Variants in VPS13B observed in about 807,000 individuals in gnomAD.
The protein encoded by VPS13B is vacuolar protein sorting 13 homolog B.
A neutral mutation model predicts 426.4 loss-of-function variants in VPS13B; 285 were observed. The ratio of observed to expected loss-of-function variants is 0.67; its 90% confidence interval spans 0.61 to 0.74. VPS13B has a LOEUF of 0.74. VPS13B is among the 30% of genes least tolerant of loss of function. VPS13B has a pLI of 0.00. For missense variants in VPS13B, 4,537 were observed against 4,782.6 expected (o/e 0.95, Z 1.51); for synonymous variants, 1,676 against 1,676.4 (o/e 1.00, Z 0.01).
chr8:99,455,421 G>C (rs1317146199), intron 23 of VPS13B, among the ~76,000 whole-genome samples: 1 of 152,128 alleles, frequency 6.6e-6, no homozygotes, highest in Non-Finnish European at 1.5e-5. Context: ...AGAAGACAAA[G>C]GGAGAGCCAG....
At chr8:99,461,260 AG>A (rs999849089) in intron 23 of VPS13B, among the ~76,000 whole-genome samples, 7 of 152,108 alleles carry the variant, frequency 4.6e-5, no homozygotes, top group African/African-American at 1.7e-4. Flanking sequence ...TGACCTATGC[AG>A]AAAGAATTAC....
intron 24 of VPS13B, among the ~76,000 whole-genome samples, chr8:99,476,077 A>C (rs1033050351): frequency 1.3e-5 from 2 of 152,214 alleles, no homozygotes; most frequent in Non-Finnish European, 2.9e-5. Flanking sequence ...GTAAACACTG[A>C]AATGTTATAT....
At chr8:99,855,477 A>G (rs1414751253) in intron 56 of VPS13B, among the ~76,000 whole-genome samples, 1 of 152,152 alleles carries the variant, frequency 6.6e-6, no homozygotes, top group East Asian at 1.9e-4. Flanking sequence ...TTCACTCTAA[A>G]GCAGTTTTAA....
intron 35 of VPS13B, among the ~76,000 whole-genome samples, chr8:99,674,258 T>C (rs1830832086): frequency 6.6e-6 from 1 of 152,028 alleles, no homozygotes; most frequent in African/African-American, 2.4e-5. Flanking sequence ...CTTTATATAT[T>C]TAGATGCTGC....
chr8:99,242,089 G>T (rs141187224), intron 17 of VPS13B, among the ~76,000 whole-genome samples: 3,069 of 151,784 alleles, frequency 0.02, 113 homozygotes, highest in African/African-American at 0.07. Flanking sequence ...CACGCTATTC[G>T]CCTGCCTCAG....
At chr8:99,519,888 C>T (rs1259978233) in intron 29 of VPS13B, among the ~76,000 whole-genome samples, 1 of 152,070 alleles carries the variant, frequency 6.6e-6, no homozygotes, top group Non-Finnish European at 1.5e-5. Context: ...CAACATGGCA[C>T]ATGTATACAT....
chr8:99,840,750 G>A (rs1257808636), intron 54 of VPS13B, among the ~76,000 whole-genome samples: 2 of 152,180 alleles, frequency 1.3e-5, no homozygotes, highest in African/African-American at 4.8e-5. Flanking sequence ...TCCATTTGGT[G>A]CAGATCACAC....
At chr8:99,229,764 A>G (rs1194750419) in intron 17 of VPS13B, among the ~76,000 whole-genome samples, 1 of 152,182 alleles carries the variant, frequency 6.6e-6, no homozygotes, top group East Asian at 1.9e-4. Context: ...GGCAGGTGTC[A>G]TACTCTAAAG....
intron 16 of VPS13B, among the ~76,000 whole-genome samples, chr8:99,177,551 T>C (rs1225646165): frequency 6.6e-6 from 1 of 152,328 alleles, no homozygotes; most frequent in East Asian, 1.9e-4. Flanking sequence ...ACTTGACATA[T>C]GTTAACAAGC....
chr8:99,817,904 T>A, intron 45 of VPS13B, 101 bp downstream of exon 45: 1 of 1,567,400 alleles, frequency 6.4e-7, no homozygotes, highest in Non-Finnish European at 8.7e-7. Context: ...AAAAGTGACA[T>A]ATAAAAAAGG....
At chr8:99,516,966 C>T (rs1258222284) in intron 29 of VPS13B, among the ~76,000 whole-genome samples, 2 of 151,960 alleles carry the variant, frequency 1.3e-5, no homozygotes, top group Non-Finnish European at 2.9e-5. Flanking sequence ...GAGTGGTAAA[C>T]CAAATGCAAC....
At chr8:99,320,699 C>T (rs1809927100) in intron 19 of VPS13B, among the ~76,000 whole-genome samples, 1 of 152,086 alleles carries the variant, frequency 6.6e-6, no homozygotes, top group Non-Finnish European at 1.5e-5. Context: ...GAATGGTGAA[C>T]CTTACAAGTA....
At chr8:99,215,621 A>G (rs889627042) in intron 17 of VPS13B, among the ~76,000 whole-genome samples, 4 of 152,300 alleles carry the variant, frequency 2.6e-5, no homozygotes, top group South Asian at 2.1e-4. Context: ...AGGCACAGGT[A>G]TGCTTGAGTA....
At chr8:99,301,719 C>G (rs1228833900) in intron 19 of VPS13B, among the ~76,000 whole-genome samples, 1 of 152,142 alleles carries the variant, frequency 6.6e-6, no homozygotes, top group African/African-American at 2.4e-5. Context: ...AACTTAGAGT[C>G]CTTGTTTCCA....
intron 3 of VPS13B, among the ~76,000 whole-genome samples, chr8:99,040,267 TG>T (rs1842916541): frequency 6.6e-6 from 1 of 152,210 alleles, no homozygotes. Context: ...TACTTGATAT[TG>T]GACTATGCAG....
intron 19 of VPS13B, among the ~76,000 whole-genome samples, chr8:99,282,944 A>G (rs1224750026): frequency 3.9e-5 from 6 of 152,218 alleles, no homozygotes; most frequent in Admixed American, 6.5e-5. Flanking sequence ...GAAAGCCACA[A>G]TTACAACTCT....
At chr8:99,282,260 T>C (rs1819209685) in intron 19 of VPS13B, among the ~76,000 whole-genome samples, 1 of 152,192 alleles carries the variant, frequency 6.6e-6, no homozygotes, top group Non-Finnish European at 1.5e-5. Flanking sequence ...ATATGATTTG[T>C]CTTCAGATTG....
In VPS13B at chr8:99,821,049, T is replaced by TAA. The variant is rs71572044; in HGVS notation, c.8995-233_8995-232dup. On this transcript the variant is annotated intron_variant, in intron 49 of 61. Transcript: ENST00000357162. ...CCGTAAATACGAATTCCATTGTGAGTAAAAAAAAAAAAATACATTGGGAGC... is the reference window on the plus strand; with the variant it reads ...CCGTAAATACGAATTCCATTGTGAGTAAAAAAAAAAAAAAATACATTGGGAGC... 3.3e-3 allele frequency among the ~76,000 whole-genome samples: 364 copies of TAA among 110,236 alleles called. 2 individuals carry two copies. Among genetic ancestry groups the TAA allele is most frequent in the African/African-American group, 0.012 (334 of 28,648 alleles). 72.3% of individuals were successfully genotyped at this position (110,236 alleles called of 152,430 possible). A position where few individuals can be genotyped will look rare whatever the true frequency, so the allele number is the denominator to read the frequency against.
chr8:99,661,245 A>G (rs367657639), intron 34 of VPS13B, 109 bp from the exon 35 acceptor site: 1 of 1,378,080 alleles, frequency 7.3e-7, no homozygotes, highest in East Asian at 2.3e-5. Context: ...TGAAGCTTGC[A>G]AACAGTTATT....
Sources: allele counts gnomAD v4.1 joint callset (sites outside exome capture counted in the v4.1 genomes callset), GRCh38; gene constraint gnomAD v4.1.1; transcripts MANE v1.5; gene names NCBI Gene and HGNC (gene_info 2026-07-23, HGNC 2026-07-21).